The following PHACTR4 variants were observed in gnomAD, a reference collection of about 807,000 sequenced individuals.
The protein encoded by PHACTR4 is phosphatase and actin regulator 4.
PHACTR4 carries 51 observed loss-of-function variants against 72.7 expected under a neutral mutation model. The observed-to-expected ratio is 0.70, with a 90% CI of 0.56 to 0.89. PHACTR4 has a LOEUF of 0.89. Among genes scored for constraint, PHACTR4 ranks in the 40% least tolerant of loss-of-function variants. The pLI is 0.00. For synonymous variants in PHACTR4, 255 were observed against 302.5 expected, an observed-to-expected ratio of 0.84 and a Z score of 1.63; for missense variants, 731 against 861.8, an observed-to-expected ratio of 0.85 and a Z score of 1.90.
At chr1:28,421,244 AT>A (rs1655488366) in intron 2 of PHACTR4, among the ~76,000 whole-genome samples, 1 of 152,206 alleles carries the variant, frequency 6.6e-6, no homozygotes, top group African/African-American at 2.4e-5. Context: ...ACCAGAGCAC[AT>A]GGGCATGTGC....
At chr1:28,410,413 G>A (rs946037350) in intron 2 of PHACTR4, among the ~76,000 whole-genome samples, 5 of 152,236 alleles carry the variant, frequency 3.3e-5, no homozygotes, top group African/African-American at 1.2e-4. Context: ...CCGTAGGTTT[G>A]TACTGGAAAC....
At chr1:28,414,176 A>G (rs1654952002) in intron 2 of PHACTR4, among the ~76,000 whole-genome samples, 1 of 151,912 alleles carries the variant, frequency 6.6e-6, no homozygotes, top group African/African-American at 2.4e-5. Context: ...CCTGGGTTCA[A>G]ATGATTCTCC....
At chr1:28,380,768 G>C (rs1232207420) in intron 1 of PHACTR4, among the ~76,000 whole-genome samples, 1 of 151,936 alleles carries the variant, frequency 6.6e-6, no homozygotes, top group African/African-American at 2.4e-5. Flanking sequence ...GGTTGATTCC[G>C]TGTCTTTGCT....
At chr1:28,452,247 T>C (rs1423321288) in intron 2 of PHACTR4, among the ~76,000 whole-genome samples, 1 of 152,146 alleles carries the variant, frequency 6.6e-6, no homozygotes, top group Non-Finnish European at 1.5e-5. Context: ...GGCTTTTGCC[T>C]GTAATCCCAG....
At chr1:28,452,309 C>T (rs140843254) in intron 2 of PHACTR4, among the ~76,000 whole-genome samples, 10 of 152,082 alleles carry the variant, frequency 6.6e-5, no homozygotes, top group African/African-American at 1.4e-4. Context: ...AGTTCAAGGT[C>T]GACCTGGGCG....
At chr1:28,413,519 G>T (rs1654912827) in intron 2 of PHACTR4, among the ~76,000 whole-genome samples, 1 of 151,902 alleles carries the variant, frequency 6.6e-6, no homozygotes, top group Non-Finnish European at 1.5e-5. Context: ...TGAACCTCCT[G>T]GAATAATTAT....
intron 2 of PHACTR4, among the ~76,000 whole-genome samples, chr1:28,436,374 C>A (rs1656636659): frequency 6.6e-6 from 1 of 151,904 alleles, no homozygotes. Flanking sequence ...GTAACTGAGA[C>A]TACAGGTGCA....
chr1:28,398,486 A>G (rs963233916), intron 1 of PHACTR4, among the ~76,000 whole-genome samples: 1 of 151,942 alleles, frequency 6.6e-6, no homozygotes, highest in African/African-American at 2.4e-5. Flanking sequence ...ATGCCACCGC[A>G]CTCCAGCCTG....
chr1:28,487,575 T>C (rs1400409851), intron 9 of PHACTR4, among the ~76,000 whole-genome samples: 2 of 145,760 alleles, frequency 1.4e-5, no homozygotes, highest in African/African-American at 2.5e-5. Flanking sequence ...GTATATAGAA[T>C]GGGACTGGAA....
chr1:28,458,913 G>A (rs1204116240), intron 2 of PHACTR4, among the ~76,000 whole-genome samples, 172 bp from the exon 3 acceptor site: 1 of 152,170 alleles, frequency 6.6e-6, no homozygotes, highest in African/African-American at 2.4e-5. Context: ...TCTGTTAATG[G>A]ATTTTGATGT....
intron 7 of PHACTR4, among the ~76,000 whole-genome samples, chr1:28,474,530 A>G (rs1553201946): frequency 6.6e-6 from 1 of 151,446 alleles, no homozygotes; most frequent in Non-Finnish European, 1.5e-5. Flanking sequence ...CTCACAGAAA[A>G]AAAGAAAATG....
rs1661520565 is a variant in PHACTR4, at chr1:28,499,072, A to G, written c.*2523A>G. ...AACAGAGCGAGACTCCATCAAAAAA[A>G]AAAAAAAAAAAGAAGGAAGGAAGGA... is the stretch of plus-strand genomic sequence containing the variant. On this transcript the variant is annotated 3_prime_UTR_variant, in exon 14 of 14. Transcript: ENST00000373839. The G allele has an allele frequency of 6.6e-6, 1 of 150,992 alleles. No individual in the cohort carries two copies. The highest frequency in any genetic ancestry group is 6.6e-5 in the Admixed American group (1 of 15,096). 9.4% of individuals were successfully genotyped at this position (150,992 alleles called of 1,614,324 possible). A position where few individuals can be genotyped will look rare whatever the true frequency, so the allele number is the denominator to read the frequency against.
Position 28,466,598 on chromosome 1 carries a change from C to T in PHACTR4, c.653C>T (p.Ala218Val). Residue 218 changes from alanine to valine, a missense_variant, in exon 6 of 14, where the codon GCA becomes GTA. Physicochemically the swap from Ala to Val is moderately conservative, Grantham distance 64. Coordinates refer to ENST00000373839, the MANE Select transcript of PHACTR4 (RefSeq NM_001048183.3). ...GCCACCACTGCTGCCACAAGCCTTG[C>T]AAAGACTGTTAATCTCTCTGTCACC... ...PAATTAATSL[A>V]KTVNLSVTPS... 6.2e-7 allele frequency: 1 copy of T among 1,614,130 alleles called. No homozygotes were observed. Among genetic ancestry groups the T allele is most frequent in the South Asian group, 1.1e-5 (1 of 91,084 alleles).
chr1:28,394,379 A>C (rs1382591113), intron 1 of PHACTR4, among the ~76,000 whole-genome samples: 1 of 150,092 alleles, frequency 6.7e-6, no homozygotes, highest in Non-Finnish European at 1.5e-5. Flanking sequence ...AAAAGAAAAA[A>C]AAGAAAAGAA....
At chr1:28,392,845 G>A (rs981958702) in intron 1 of PHACTR4, among the ~76,000 whole-genome samples, 1 of 151,924 alleles carries the variant, frequency 6.6e-6, no homozygotes, top group African/African-American at 2.4e-5. Flanking sequence ...TTGAAAGAAT[G>A]AATTTTCTAT....
intron 2 of PHACTR4, among the ~76,000 whole-genome samples, chr1:28,441,218 A>T (rs1470785399): frequency 6.6e-6 from 1 of 151,788 alleles, no homozygotes; most frequent in Non-Finnish European, 1.5e-5. Context: ...CTTTTTTTTT[A>T]ATTTAATTTT....
At chr1:28,402,065 G>A (rs1414208453) in intron 1 of PHACTR4, among the ~76,000 whole-genome samples, 5 of 151,822 alleles carry the variant, frequency 3.3e-5, no homozygotes, top group African/African-American at 1.2e-4. Flanking sequence ...TCTTTTGGAG[G>A]TGGAGGCAAT....
intron 6 of PHACTR4, among the ~76,000 whole-genome samples, chr1:28,472,291 G>A (rs1659611353): frequency 6.6e-6 from 1 of 152,026 alleles, no homozygotes; most frequent in African/African-American, 2.4e-5. Context: ...CCAGTTTGTA[G>A]TATGATCTTG....
At chr1:28,465,639 T>C in intron 4 of PHACTR4, 46 bp from the exon 5 acceptor site, 1 of 1,549,344 alleles carries the variant, frequency 6.5e-7, no homozygotes, top group Non-Finnish European at 8.7e-7. Context: ...TCTTTCTATC[T>C]GTTCATGCCA....
Sources: allele counts gnomAD v4.1 joint callset (sites outside exome capture counted in the v4.1 genomes callset), GRCh38; gene constraint gnomAD v4.1.1; transcripts MANE v1.5; gene names NCBI Gene and HGNC (gene_info 2026-07-23, HGNC 2026-07-21).